The following ARHGEF3 variants were observed in gnomAD, a reference collection of about 807,000 sequenced individuals.
ARHGEF3 encodes Rho guanine nucleotide exchange factor 3, also known as 59.8 kDA protein.
A neutral mutation model predicts 63.2 loss-of-function variants in ARHGEF3; 28 were observed. That is an observed-to-expected ratio of 0.44 (90% confidence interval 0.33 to 0.61). The LOEUF (loss-of-function observed/expected upper bound fraction) is 0.61, where lower values mean the gene tolerates loss of function less well. Ranked by LOEUF, ARHGEF3 falls within the 20% of genes least tolerant of loss-of-function variation. The probability of loss-of-function intolerance (pLI) is 0.03; values close to 1 mark genes in which losing one functional copy is unlikely to be tolerated. For missense variants in ARHGEF3, 533 were observed against 659.3 expected, an observed-to-expected ratio of 0.81 and a Z score of 2.10; for synonymous variants, 266 against 254.2, an observed-to-expected ratio of 1.05 and a Z score of -0.44.
intron 1 of ARHGEF3, among the ~76,000 whole-genome samples, chr3:57,066,261 C>T (rs1029916924): frequency 3.8e-4 from 57 of 151,596 alleles, no homozygotes; most frequent in Non-Finnish European, 7.7e-4. Context: ...TTACACTTTT[C>T]CTTTCTTTCT....
intron 2 of ARHGEF3, among the ~76,000 whole-genome samples, chr3:57,002,479 T>TTATATATATATATATGTTATATATA (rs1560122743): frequency 0.038 from 1,485 of 39,370 alleles, 173 homozygotes; most frequent in Middle Eastern, 0.057. Flanking sequence ...TATATATATG[T>TTATATATATATATATGTTATATATA]TATATATATA....
intron 3 of ARHGEF3, among the ~76,000 whole-genome samples, chr3:56,955,623 T>C (rs1427280159): frequency 2.0e-5 from 3 of 152,212 alleles, no homozygotes; most frequent in Non-Finnish European, 2.9e-5. Context: ...CCTCCCTTTC[T>C]AAATAAAGAA....
At chr3:57,016,995 C>G (rs1703034336) in intron 2 of ARHGEF3, among the ~76,000 whole-genome samples, 1 of 141,080 alleles carries the variant, frequency 7.1e-6, no homozygotes, top group South Asian at 2.3e-4. Flanking sequence ...GAGAGGAAAG[C>G]TTTCTCTCTG....
intron 3 of ARHGEF3, among the ~76,000 whole-genome samples, chr3:56,944,321 C>G (rs187606761): frequency 5.9e-4 from 90 of 152,258 alleles, no homozygotes; most frequent in Non-Finnish European, 1.1e-3. Flanking sequence ...AGAACATTCA[C>G]AATTCATGGA....
chr3:56,871,217 T>G (rs1334365057), intron 4 of ARHGEF3, among the ~76,000 whole-genome samples: 1 of 152,158 alleles, frequency 6.6e-6, no homozygotes, highest in Non-Finnish European at 1.5e-5. Context: ...CTCTTTAAAA[T>G]ATTCACTTTA....
chr3:56,768,686 A>G (rs2035846212), intron 2 of ARHGEF3, among the ~76,000 whole-genome samples: 1 of 151,372 alleles, frequency 6.6e-6, no homozygotes, highest in South Asian at 2.1e-4. Context: ...AAAAAAAAGA[A>G]GAAGATGACG....
At chr3:56,947,365 G>A (rs1699564147) in intron 3 of ARHGEF3, among the ~76,000 whole-genome samples, 1 of 152,184 alleles carries the variant, frequency 6.6e-6, no homozygotes, top group Admixed American at 6.5e-5. Flanking sequence ...CCATCAGTGT[G>A]CTGTATTCAG....
At chr3:56,943,869 G>A (rs114337894) in intron 3 of ARHGEF3, among the ~76,000 whole-genome samples, 250 of 149,888 alleles carry the variant, frequency 1.7e-3, no homozygotes, top group African/African-American at 5.7e-3. Context: ...AGCCAGGATC[G>A]CGCTACTGCA....
chr3:56,811,743 T>G (rs1291710883), intron 4 of ARHGEF3, among the ~76,000 whole-genome samples: 1 of 152,228 alleles, frequency 6.6e-6, no homozygotes, highest in Non-Finnish European at 1.5e-5. Context: ...AATAGAGGAC[T>G]GAACAGAAGC....
intron 4 of ARHGEF3, among the ~76,000 whole-genome samples, chr3:56,852,451 C>T (rs573449374): frequency 1.3e-5 from 2 of 152,124 alleles, no homozygotes; most frequent in Non-Finnish European, 2.9e-5. Context: ...CACACTGACC[C>T]TATTGCAGTA....
chr3:56,743,405 G>A (rs1163598200), intron 7 of ARHGEF3, among the ~76,000 whole-genome samples: 2 of 152,000 alleles, frequency 1.3e-5, no homozygotes, highest in East Asian at 3.9e-4. Context: ...TCATAAAGAA[G>A]TTGAAGGGCA....
chr3:56,790,920 C>A (rs1358251587), intron 1 of ARHGEF3, among the ~76,000 whole-genome samples: 1 of 152,066 alleles, frequency 6.6e-6, no homozygotes, highest in Non-Finnish European at 1.5e-5. Context: ...TTTCTTTTTT[C>A]CTTTTCACAT....
intron 2 of ARHGEF3, among the ~76,000 whole-genome samples, chr3:56,976,639 A>C (rs1396472517): frequency 6.6e-6 from 1 of 152,208 alleles, no homozygotes; most frequent in Non-Finnish European, 1.5e-5. Flanking sequence ...AAAAATTCTT[A>C]AATTAGCCAG....
At chr3:56,924,333 T>C (rs187617057) in intron 3 of ARHGEF3, among the ~76,000 whole-genome samples, 2 of 152,332 alleles carry the variant, frequency 1.3e-5, no homozygotes, top group African/African-American at 4.8e-5. Context: ...CACCACTGCC[T>C]ATTAGATGAA....
intron 2 of ARHGEF3, among the ~76,000 whole-genome samples, chr3:56,987,233 C>T (rs914924579): frequency 1.3e-5 from 2 of 152,038 alleles, no homozygotes; most frequent in Admixed American, 6.6e-5. Flanking sequence ...AAACAAGTAA[C>T]TCTGGGTTGC....
intron 2 of ARHGEF3, among the ~76,000 whole-genome samples, chr3:56,765,743 G>C (rs2035668942): frequency 6.6e-6 from 1 of 151,958 alleles, no homozygotes; most frequent in African/African-American, 2.4e-5. Flanking sequence ...CGACCCCTCA[G>C]GCCATTGCTA....
intron 2 of ARHGEF3, among the ~76,000 whole-genome samples, chr3:56,970,748 G>A (rs893217543): frequency 5.3e-5 from 8 of 152,260 alleles, no homozygotes; most frequent in Non-Finnish European, 8.8e-5. Flanking sequence ...CCCAGAAGGA[G>A]AACTGCAATA....
At chr3:56,844,609 G>A (rs1057076318) in intron 4 of ARHGEF3, among the ~76,000 whole-genome samples, 5 of 152,166 alleles carry the variant, frequency 3.3e-5, no homozygotes, top group Admixed American at 3.3e-4. Context: ...AACAGGTTTT[G>A]CTTCAACCTT....
chr3:57,068,526 G>A (rs1378573575), intron 1 of ARHGEF3, among the ~76,000 whole-genome samples: 2 of 152,172 alleles, frequency 1.3e-5, no homozygotes, highest in Admixed American at 6.5e-5. Flanking sequence ...AAGGATTAGC[G>A]AGGCCCTGCC....
Sources: allele counts gnomAD v4.1 joint callset (sites outside exome capture counted in the v4.1 genomes callset), GRCh38; gene constraint gnomAD v4.1.1; transcripts MANE v1.5; gene names NCBI Gene and HGNC (gene_info 2026-07-23, HGNC 2026-07-21).